Variants in WDR4 observed in about 807,000 individuals in gnomAD.
WDR4 encodes the protein tRNA (guanine-N(7)-)-methyltransferase non-catalytic subunit WDR4.
A neutral mutation model predicts 48.6 loss-of-function variants in WDR4; 47 were observed. The ratio of observed to expected loss-of-function variants is 0.97; its 90% CI spans 0.77 to 1.23. WDR4 has a LOEUF of 1.23. WDR4 is among the 50% of genes most tolerant of loss of function. The probability of loss-of-function intolerance (pLI) is 0.00; values close to 1 mark genes in which losing one functional copy is unlikely to be tolerated. For synonymous variants in WDR4, 268 were observed against 230.0 expected (o/e 1.17, Z -1.49); for missense variants, 606 against 551.6 (o/e 1.10, Z -0.99).
At chr21:42,874,372 T>C (rs560195960) in intron 2 of WDR4, among the ~76,000 whole-genome samples, 504 of 152,274 alleles carry the variant, frequency 3.3e-3, no homozygotes, top group Non-Finnish European at 5.0e-3. Flanking sequence ...TTGCGTTGAC[T>C]GCACAAATTG....
At chr21:42,851,199 G>A (rs1341773480) in intron 10 of WDR4, among the ~76,000 whole-genome samples, 1 of 152,130 alleles carries the variant, frequency 6.6e-6, no homozygotes, top group Non-Finnish European at 1.5e-5. Flanking sequence ...GGGGCCATGA[G>A]CACTGCAGAT....
chr21:42,858,687 C>T (rs942232099), intron 6 of WDR4, among the ~76,000 whole-genome samples: 2 of 152,142 alleles, frequency 1.3e-5, no homozygotes, highest in African/African-American at 4.8e-5. Flanking sequence ...GGAAGGTGCA[C>T]AACAAACCGC....
At chr21:42,854,676 C>T (rs200123512) in intron 7 of WDR4, 50 bp from the exon 8 acceptor site, 132 of 1,579,336 alleles carry the variant, frequency 8.4e-5, no homozygotes, top group Non-Finnish European at 9.5e-5. Context: ...AGGGGCCCGA[C>T]GCCGGGCGCT....
chr21:42,852,264 T>C lies in WDR4; in HGVS notation c.1036A>G (p.Met346Val), dbSNP rs144129036. The C allele has an allele frequency of 2.5e-4, 405 of 1,614,158 alleles. No individual in the cohort carries two copies. In the African/African-American group the frequency reaches 4.7e-3, roughly 19 times the overall value. Residue 346 changes from methionine to valine, a missense_variant, in exon 10 of 11, where the codon ATG becomes GTG. Transcript: ENST00000398208. ...VSGVLRGNWA[M>V]LEGSAGADAS... ...GCACCCGTGCTCTCACCTTCCAGCA[T>C]GGCCCAGTTCCCACGAAGAACACCA... is the stretch of plus-strand genomic sequence containing the variant.
intron 3 of WDR4, among the ~76,000 whole-genome samples, chr21:42,866,255 G>C (rs539957594): frequency 6.8e-4 from 104 of 152,304 alleles, no homozygotes; most frequent in African/African-American, 2.4e-3. Flanking sequence ...GTCCCTTGCG[G>C]TTCTAAACTG....
At chr21:42,845,401 G>T (rs2057702307), downstream of WDR4, among the ~76,000 whole-genome samples, 1 of 152,226 alleles carries the variant, frequency 6.6e-6, no homozygotes. Flanking sequence ...CTTCCCGGAG[G>T]GGCCCTCGCG....
chr21:42,858,767 C>T (rs999815801), intron 6 of WDR4, among the ~76,000 whole-genome samples: 5 of 152,082 alleles, frequency 3.3e-5, no homozygotes, highest in Non-Finnish European at 4.4e-5. Context: ...TCTCAGGTCG[C>T]GTGGCTGTGT....
chr21:42,866,265 G>C (rs980539521), intron 3 of WDR4, among the ~76,000 whole-genome samples: 1 of 152,146 alleles, frequency 6.6e-6, no homozygotes, highest in South Asian at 2.1e-4. Context: ...GTTCTAAACT[G>C]CTACCTGGGA....
rs2088286268 is a variant in WDR4, at chr21:42,854,416, G to A, written c.791+146C>T. 8.9e-6 allele frequency: 7 copies of A among 790,836 alleles called. No individual in the cohort carries two copies. The South Asian group carries it at 1.4e-4, about 15-fold the overall frequency. 49.0% of individuals were successfully genotyped at this position (790,836 alleles called of 1,614,324 possible). ...CCTCATGCAGCAGCAGTCATCAAAA[G>A]TGACATTCTCAGAGGGAGGTGCTAG... is the stretch of plus-strand genomic sequence containing the variant. On this transcript the variant is annotated intron_variant, in intron 8 of 10. Transcript: ENST00000398208.
intron 5 of WDR4, 137 bp from the exon 6 acceptor site, chr21:42,859,859 A>G (rs2058076566): frequency 1.1e-6 from 1 of 880,468 alleles, no homozygotes; most frequent in Non-Finnish European, 1.8e-6. Flanking sequence ...AACAGCCAAC[A>G]TGGGAAGTAG....
chr21:42,869,717 T>C (rs1282674046), intron 3 of WDR4, among the ~76,000 whole-genome samples: 1 of 150,124 alleles, frequency 6.7e-6, no homozygotes, highest in Non-Finnish European at 1.5e-5. Context: ...ATATAAAGAG[T>C]TGCTCTTCTG....
chr21:42,845,803 G>C (rs113643765), downstream of WDR4, among the ~76,000 whole-genome samples: 4 of 152,320 alleles, frequency 2.6e-5, no homozygotes, highest in African/African-American at 9.6e-5. Flanking sequence ...CCACGCGCAA[G>C]TACACACCCA....
intron 11 of WDR4, among the ~76,000 whole-genome samples, chr21:42,843,771 T>C (rs2057686574): frequency 6.6e-6 from 1 of 152,170 alleles, no homozygotes; most frequent in African/African-American, 2.4e-5. Context: ...TTCACCATAT[T>C]GGCCAAGCTG....
At chr21:42,858,530 T>G (rs1357933885) in intron 6 of WDR4, among the ~76,000 whole-genome samples, 1 of 152,102 alleles carries the variant, frequency 6.6e-6, no homozygotes, top group East Asian at 1.9e-4. Context: ...AAAAGCAAAG[T>G]CAGAAAACAC....
chr21:42,858,933 G>A (rs1233739462), intron 6 of WDR4, among the ~76,000 whole-genome samples: 2 of 152,184 alleles, frequency 1.3e-5, no homozygotes, highest in Admixed American at 6.5e-5. Context: ...AGGTGGTGGT[G>A]TGCGGGCAAC....
At chr21:42,866,621 A>C (rs1252962721) in intron 3 of WDR4, among the ~76,000 whole-genome samples, 1 of 152,084 alleles carries the variant, frequency 6.6e-6, no homozygotes, top group South Asian at 2.1e-4. Flanking sequence ...GCTGCCTGCC[A>C]GCTCAGCATG....
chr21:42,864,894 A>AG (rs967538952), intron 3 of WDR4, among the ~76,000 whole-genome samples: 16 of 152,174 alleles, frequency 1.1e-4, no homozygotes, highest in Non-Finnish European at 2.1e-4. Context: ...GCCTCACTAC[A>AG]GAACAGCAGC....
At chr21:42,868,627 T>A (rs1342377003) in intron 3 of WDR4, among the ~76,000 whole-genome samples, 1 of 152,192 alleles carries the variant, frequency 6.6e-6, no homozygotes, top group Non-Finnish European at 1.5e-5. Flanking sequence ...TTTGGCCTCA[T>A]CTCCAAGAGT....
chr21:42,852,043 T>A (rs970848253), intron 10 of WDR4, among the ~76,000 whole-genome samples: 1 of 152,166 alleles, frequency 6.6e-6, no homozygotes, highest in Admixed American at 6.5e-5. Context: ...CCTAAGTGGC[T>A]CTCGTTAGCC....
Sources: allele counts gnomAD v4.1 joint callset (sites outside exome capture counted in the v4.1 genomes callset), GRCh38; gene constraint gnomAD v4.1.1; transcripts MANE v1.5; gene names NCBI Gene and HGNC (gene_info 2026-07-23, HGNC 2026-07-21).